SNX10: variants seen among roughly 807,000 people sequenced by gnomAD.
SNX10 encodes the protein sorting nexin 10.
SNX10 carries 25 observed loss-of-function variants against 28.5 expected under a neutral mutation model. The observed-to-expected ratio is 0.88, with a 90% CI of 0.64 to 1.22. SNX10 has a LOEUF of 1.22. SNX10 is among the 50% of genes most tolerant of loss of function. SNX10 has a pLI of 0.00. For synonymous variants in SNX10, 62 were observed against 81.4 expected, an observed-to-expected ratio of 0.76 and a Z score of 1.28; for missense variants, 223 against 242.6, an observed-to-expected ratio of 0.92 and a Z score of 0.54.
chr7:26,372,454 C>T (rs1196831321), intron 6 of SNX10, 37 bp from the exon 7 acceptor site: 1 of 1,345,878 alleles, frequency 7.4e-7, no homozygotes, highest in Non-Finnish European at 1.1e-6. Flanking sequence ...AAACCAATTT[C>T]CTCTTTTTAT....
intron 1 of SNX10, among the ~76,000 whole-genome samples, chr7:26,293,323 C>T (rs1785996542): frequency 6.6e-6 from 1 of 152,162 alleles, no homozygotes; most frequent in Admixed American, 6.5e-5. Flanking sequence ...ACCTCAGCCT[C>T]CCTAGTAGCT....
intron 1 of SNX10, among the ~76,000 whole-genome samples, chr7:26,317,654 T>C (rs977106188): frequency 6.8e-6 from 1 of 147,562 alleles, no homozygotes. Context: ...GTGATCTTCT[T>C]TGATCTTTTT....
chr7:26,367,768 C>G (rs1230601050), intron 5 of SNX10, among the ~76,000 whole-genome samples: 1 of 152,184 alleles, frequency 6.6e-6, no homozygotes. Flanking sequence ...TCTGAGCCCC[C>G]ACTGGTTACC....
chr7:26,299,155 T>A (rs531228152), intron 1 of SNX10, among the ~76,000 whole-genome samples: 2 of 151,016 alleles, frequency 1.3e-5, no homozygotes, highest in Non-Finnish European at 1.5e-5. Flanking sequence ...CTGTGGAGAG[T>A]GAGATTAGAA....
At chr7:26,335,263 C>T (rs118006257) in intron 1 of SNX10, among the ~76,000 whole-genome samples, 219 of 152,242 alleles carry the variant, frequency 1.4e-3, no homozygotes, top group Middle Eastern at 6.8e-3. Flanking sequence ...TTGTGTTATA[C>T]GGGTATAACA....
intron 1 of SNX10, among the ~76,000 whole-genome samples, chr7:26,320,106 C>T (rs1280858672): frequency 2.0e-5 from 3 of 151,888 alleles, no homozygotes; most frequent in East Asian, 1.9e-4. Context: ...CTCAGCCTCT[C>T]GAGTAGCTGG....
intron 2 of SNX10, among the ~76,000 whole-genome samples, chr7:26,352,274 T>C: frequency 6.6e-6 from 1 of 152,150 alleles, no homozygotes; most frequent in East Asian, 1.9e-4. Context: ...GTTAAAAAAT[T>C]GCATAAAGCT....
At chr7:26,346,666 G>C (rs1466343876) in intron 2 of SNX10, among the ~76,000 whole-genome samples, 200 bp downstream of exon 2, 1 of 152,152 alleles carries the variant, frequency 6.6e-6, no homozygotes, top group African/African-American at 2.4e-5. Context: ...TGACTCAGCT[G>C]TGGAGCACAT....
At chr7:26,360,762 A>T in intron 2 of SNX10, 1 of 1,308,608 alleles carries the variant, frequency 7.6e-7, no homozygotes, top group Non-Finnish European at 9.9e-7. Context: ...GTGTTGCATT[A>T]TTTTAAAAAT....
intron 1 of SNX10, among the ~76,000 whole-genome samples, chr7:26,307,012 C>T (rs950988023): frequency 6.6e-6 from 1 of 152,224 alleles, no homozygotes; most frequent in Non-Finnish European, 1.5e-5. Context: ...TCACTGTGCT[C>T]ATCCTGCTCA....
chr7:26,316,496 G>A (rs967860966), intron 1 of SNX10, among the ~76,000 whole-genome samples: 2 of 152,202 alleles, frequency 1.3e-5, no homozygotes, highest in African/African-American at 2.4e-5. Context: ...GCTTGTGCTA[G>A]TGGGGAAAAC....
In SNX10 at chr7:26,361,053, T is replaced by G. The variant is rs746051800; in HGVS notation, c.103T>G (p.Cys35Gly). The change falls in exon 3 of 7, where the codon TGT becomes GGT. Residue 35 changes from cysteine to glycine, a missense_variant. Transcript: ENST00000338523. ...FWHSYIDYEI[C>G]IHTNSMCFTM... is the part of the protein sequence containing the mutation. ...GCATTCTTACATTGACTATGAGATA[T>G]GTATTCATGTAAGTATGTAGTCAGT... 6.3e-7 allele frequency: 1 copy of G among 1,596,962 alleles called. No homozygotes were observed. The highest frequency in any genetic ancestry group is 1.3e-5 in the African/African-American group (1 of 74,630).
chr7:26,366,055 A>T (rs372907094), intron 5 of SNX10, among the ~76,000 whole-genome samples: 2 of 152,192 alleles, frequency 1.3e-5, no homozygotes, highest in East Asian at 3.8e-4. Flanking sequence ...GACATGAGAC[A>T]GCTTTTGCTT....
At chr7:26,354,209 G>T (rs541043099) in intron 2 of SNX10, 2 of 152,322 alleles carry the variant, frequency 1.3e-5, no homozygotes, top group African/African-American at 4.8e-5. Flanking sequence ...TCATTGTAGG[G>T]TTAATTGTAT....
chr7:26,327,753 G>A (rs1308445672), intron 1 of SNX10, among the ~76,000 whole-genome samples: 1 of 81,150 alleles, frequency 1.2e-5, no homozygotes. Context: ...TTTTTGAGAT[G>A]GTGTCTCGCT....
intron 1 of SNX10, among the ~76,000 whole-genome samples, chr7:26,328,779 GCC>G (rs1787609617): frequency 1.3e-5 from 2 of 152,104 alleles, no homozygotes. Flanking sequence ...CTCGCTGCAG[GCC>G]CCAGGCTGCA....
intron 5 of SNX10, among the ~76,000 whole-genome samples, chr7:26,368,749 G>GC (rs1789390918): frequency 6.6e-6 from 1 of 152,170 alleles, no homozygotes; most frequent in Non-Finnish European, 1.5e-5. Context: ...GGGCACCACA[G>GC]CATAGATCAT....
intron 5 of SNX10, among the ~76,000 whole-genome samples, chr7:26,365,969 G>C (rs1369771373): frequency 6.6e-6 from 1 of 152,196 alleles, no homozygotes; most frequent in Non-Finnish European, 1.5e-5. Flanking sequence ...GTTAGTGACT[G>C]TAAAGCACTC....
At chr7:26,321,017 G>A (rs1787288346) in intron 1 of SNX10, among the ~76,000 whole-genome samples, 2 of 152,162 alleles carry the variant, frequency 1.3e-5, no homozygotes. Context: ...TTACCTCTGG[G>A]TGCTGATCTT....
Sources: allele counts gnomAD v4.1 joint callset (sites outside exome capture counted in the v4.1 genomes callset), GRCh38; gene constraint gnomAD v4.1.1; transcripts MANE v1.5; gene names NCBI Gene and HGNC (gene_info 2026-07-23, HGNC 2026-07-21).